Variants in DCLK1 observed in about 807,000 individuals in gnomAD.
DCLK1 encodes doublecortin like kinase 1, also known as serine/threonine-protein kinase DCLK1.
In DCLK1, 16 loss-of-function variants were observed where a neutral mutation model predicts 86.2. The ratio of observed to expected loss-of-function variants is 0.19; its 90% CI spans 0.13 to 0.28. DCLK1 has a LOEUF of 0.28. DCLK1 is among the 10% of genes least tolerant of loss of function. The pLI is 1.00. For missense variants in DCLK1, 590 were observed against 940.2 expected, an observed-to-expected ratio of 0.63 and a Z score of 4.87; for synonymous variants, 369 against 370.5, an observed-to-expected ratio of 1.00 and a Z score of 0.05.
intron 6 of DCLK1, among the ~76,000 whole-genome samples, chr13:35,853,837 T>C (rs1231425373): frequency 6.6e-6 from 1 of 152,128 alleles, no homozygotes; most frequent in African/African-American, 2.4e-5. Context: ...TTGGTATTAC[T>C]GGAAAAGACA....
In DCLK1 at chr13:35,918,892, G is replaced by GTTTTTT. The variant is rs749567335; in HGVS notation, c.823+28460_823+28465dup. Among the ~76,000 whole-genome samples, 5 of 76,324 alleles carry GTTTTTT rather than the reference G, an allele frequency of 6.6e-5. 1 individual carries two copies. In the East Asian group the frequency reaches 1.1e-3, roughly 17 times the overall value. 50.1% of individuals were successfully genotyped at this position (76,324 alleles called of 152,430 possible). A position where few individuals can be genotyped will look rare whatever the true frequency, so the allele number is the denominator to read the frequency against. ...AAAAAGAAATCTTCCTTCTGAGTGT[G>GTTTTTT]TTTTTTTTTTTTTTTTTGGAAACGG... On this transcript the variant is annotated intron_variant, in intron 4 of 16. Transcript: ENST00000360631.
rs148159055 is a variant in DCLK1 at position 35,934,787 on chromosome 13, G to A, written c.823+12571C>T. On this transcript the variant is annotated intron_variant, in intron 4 of 16. Transcript: ENST00000360631. ...TGTTGAGAATCCTGATTAATACAGC[G>A]ACCTTGGGCAGTTTCTCAACTTCTC... Among the ~76,000 whole-genome samples the A allele has an allele frequency of 3.3e-4, 50 of 152,210 alleles. No individual in the cohort carries two copies. The East Asian group carries it at 8.1e-3, about 25-fold the overall frequency.
chr13:35,770,258 T>C lies in DCLK1; in HGVS notation c.*4277A>G, dbSNP rs1398373122. 6.6e-6 allele frequency: 1 copy of C among 152,260 alleles called. No individual in the cohort carries two copies. The highest frequency in any genetic ancestry group is 2.4e-5 in the African/African-American group (1 of 41,476). 9.4% of individuals were successfully genotyped at this position (152,260 alleles called of 1,614,324 possible). On this transcript the variant is annotated 3_prime_UTR_variant, in exon 17 of 17. Transcript: ENST00000360631. ...ACCAATTTTTAAAGCACATTTGCAG[T>C]TATCAAATGTTTAGTGTGTCCTCAA...
intron 3 of DCLK1, among the ~76,000 whole-genome samples, chr13:36,053,130 T>A (rs1446150108): frequency 1.3e-5 from 2 of 152,134 alleles, no homozygotes; most frequent in Non-Finnish European, 2.9e-5. Context: ...TAAACAAGTA[T>A]TAAAAGGAAT....
chr13:35,776,458 T>C (rs2086426378), intron 16 of DCLK1, among the ~76,000 whole-genome samples: 1 of 152,226 alleles, frequency 6.6e-6, no homozygotes. Context: ...GAATGAATTC[T>C]GACTTGTGAA....
At chr13:36,068,430 C>A (rs1883845987) in intron 3 of DCLK1, among the ~76,000 whole-genome samples, 1 of 152,136 alleles carries the variant, frequency 6.6e-6, no homozygotes, top group Non-Finnish European at 1.5e-5. Context: ...CTAAATAAAT[C>A]TTAAACTCAG....
At chr13:36,096,989 C>G (rs555371337) in intron 3 of DCLK1, among the ~76,000 whole-genome samples, 53 of 152,294 alleles carry the variant, frequency 3.5e-4, no homozygotes, top group Non-Finnish European at 4.6e-4. Context: ...TACATAACCT[C>G]TGTAATAAGT....
In DCLK1 at chr13:36,090,983, A is replaced by T. The variant is rs373852027; in HGVS notation, c.723+20886T>A. ...TGGTTAAAATGCTGGCTGCATAAAC[A>T]TCTTCTTTTGAGAAGTGTCTGTTCA... On this transcript the variant is annotated intron_variant, in intron 3 of 16. Coordinates refer to ENST00000360631, the MANE Select transcript of DCLK1 (RefSeq NM_001330071.2). Among the ~76,000 whole-genome samples, 16 of 152,128 alleles carry T rather than the reference A, an allele frequency of 1.1e-4. No homozygotes were observed. The East Asian group carries it at 1.4e-3, about 13-fold the overall frequency.
intron 16 of DCLK1, among the ~76,000 whole-genome samples, chr13:35,775,339 T>C (rs2086405703): frequency 6.6e-6 from 1 of 152,224 alleles, no homozygotes; most frequent in African/African-American, 2.4e-5. Flanking sequence ...TTCCCACGGA[T>C]TTCACTTTAC....
intron 16 of DCLK1, among the ~76,000 whole-genome samples, chr13:35,782,080 TAGCCTTCCA>T (rs1343226269): frequency 2.6e-5 from 4 of 152,126 alleles, no homozygotes; most frequent in Admixed American, 2.0e-4. Flanking sequence ...TGCAACTGAG[TAGCCTTCCA>T]AGCTGCTTAC....
intron 3 of DCLK1, among the ~76,000 whole-genome samples, chr13:36,076,529 A>T (rs1185972391): frequency 1.3e-5 from 2 of 152,048 alleles, no homozygotes; most frequent in East Asian, 3.9e-4. Context: ...CCTTCTGATC[A>T]CTCCTGAGAA....
chr13:35,947,491 G>T, intron 3 of DCLK1, 34 bp from the exon 4 acceptor site: 1 of 1,568,794 alleles, frequency 6.4e-7, no homozygotes. Flanking sequence ...CAGCAAGGGT[G>T]GTAGAACAGC....
intron 3 of DCLK1, among the ~76,000 whole-genome samples, chr13:36,028,947 C>T (rs992595266): frequency 7.2e-5 from 11 of 152,214 alleles, no homozygotes; most frequent in African/African-American, 2.4e-4. Context: ...GAATTGCCCA[C>T]CCCTTTCCCA....
intron 16 of DCLK1, among the ~76,000 whole-genome samples, chr13:35,775,225 T>C (rs1030902370): frequency 1.3e-5 from 2 of 152,172 alleles, no homozygotes; most frequent in Non-Finnish European, 2.9e-5. Flanking sequence ...TATCTGTTGA[T>C]GAGGGAGTGT....
At chr13:35,915,041 T>C (rs1875326832) in intron 4 of DCLK1, among the ~76,000 whole-genome samples, 1 of 152,228 alleles carries the variant, frequency 6.6e-6, no homozygotes, top group Non-Finnish European at 1.5e-5. Context: ...CTTTGAAATC[T>C]ACTAAATGTA....
chr13:36,001,386 AG>A (rs1294815297), intron 3 of DCLK1, among the ~76,000 whole-genome samples: 2 of 152,344 alleles, frequency 1.3e-5, no homozygotes, highest in African/African-American at 4.8e-5. Flanking sequence ...GGAAAGAACC[AG>A]CTGCCTATGG....
chr13:35,954,250 A>T (rs942105474), intron 3 of DCLK1, among the ~76,000 whole-genome samples: 3 of 152,066 alleles, frequency 2.0e-5, no homozygotes, highest in African/African-American at 7.2e-5. Context: ...TATGTATCTA[A>T]GGTGCCAAGT....
chr13:35,919,395 AC>A (rs1184854134), intron 4 of DCLK1, among the ~76,000 whole-genome samples: 1 of 152,050 alleles, frequency 6.6e-6, no homozygotes, highest in Admixed American at 6.5e-5. Context: ...AACCACACAA[AC>A]CCTTGCATCC....
intron 3 of DCLK1, among the ~76,000 whole-genome samples, chr13:35,957,003 T>C (rs1427173465): frequency 6.8e-6 from 1 of 147,754 alleles, no homozygotes; most frequent in African/African-American, 2.5e-5. Flanking sequence ...TATTCTTGTA[T>C]CAGTTTATTG....
Sources: gnomAD v4.1 joint callset for allele counts (sites outside exome capture counted in the v4.1 genomes callset) on GRCh38, gnomAD v4.1.1 for gene constraint, MANE v1.5 for transcripts, NCBI Gene and HGNC (gene_info 2026-07-23, HGNC 2026-07-21) for gene names.